SLC13A3: variants seen among roughly 807,000 people sequenced by gnomAD.
The protein encoded by SLC13A3 is solute carrier family 13 member 3.
A neutral mutation model predicts 59.0 loss-of-function variants in SLC13A3; 40 were observed. The ratio of observed to expected loss-of-function variants is 0.68; its 90% CI spans 0.53 to 0.88. The LOEUF (loss-of-function observed/expected upper bound fraction) is 0.88. SLC13A3 is among the 40% of genes least tolerant of loss of function. SLC13A3 has a pLI of 0.00. For missense variants in SLC13A3, 699 were observed against 783.2 expected, an observed-to-expected ratio of 0.89 and a Z score of 1.28; for synonymous variants, 317 against 330.3, an observed-to-expected ratio of 0.96 and a Z score of 0.44.
chr20:46,608,682 T>C (rs1175434535), intron 3 of SLC13A3: 2 of 568,058 alleles, frequency 3.5e-6, no homozygotes, highest in Non-Finnish European at 5.7e-6. Flanking sequence ...GTCAGTGAGA[T>C]TAACTTAGAT....
intron 2 of SLC13A3, among the ~76,000 whole-genome samples, chr20:46,610,952 T>C (rs968650619): frequency 6.6e-6 from 1 of 151,406 alleles, no homozygotes; most frequent in Non-Finnish European, 1.5e-5. Flanking sequence ...CTTCTCAGCT[T>C]CCTCCCTCTT....
At chr20:46,568,243 C>A (rs866045352) in intron 10 of SLC13A3, among the ~76,000 whole-genome samples, 72 of 150,630 alleles carry the variant, frequency 4.8e-4, no homozygotes, top group African/African-American at 1.6e-3. Flanking sequence ...AAAAAAAATA[C>A]AAAAATTAGC....
chr20:46,648,202 A>C (rs1207606406), intron 1 of SLC13A3, among the ~76,000 whole-genome samples: 4 of 151,818 alleles, frequency 2.6e-5, no homozygotes, highest in African/African-American at 9.7e-5. Flanking sequence ...CCCGTTTTGC[A>C]CCGAGAATAC....
Position 46,589,725 on chromosome 20 carries a change from C to T in SLC13A3, c.921-470G>A, listed in dbSNP as rs750542076. Among the ~76,000 whole-genome samples, 94 of 152,206 alleles carry T rather than the reference C, an allele frequency of 6.2e-4. 1 individual carries two copies. Among genetic ancestry groups the T allele is most frequent in the South Asian group, 3.5e-3 (17 of 4,814 alleles). ...CTATGGCCAGTTGATTTTTGACAGGCGTACCAAGACTGAATAGTGGGGGAA... is the reference window on the plus strand; with the variant it reads ...CTATGGCCAGTTGATTTTTGACAGGTGTACCAAGACTGAATAGTGGGGGAA... On this transcript the variant is annotated intron_variant, in intron 6 of 12. Coordinates refer to ENST00000279027, the MANE Select transcript of SLC13A3 (RefSeq NM_022829.6).
upstream of SLC13A3, among the ~76,000 whole-genome samples, chr20:46,672,459 C>A (rs2122933920): frequency 6.6e-6 from 1 of 152,310 alleles, no homozygotes; most frequent in African/African-American, 2.4e-5. Context: ...CACTGGGGAT[C>A]TGACATGAAA....
intron 1 of SLC13A3, among the ~76,000 whole-genome samples, chr20:46,628,160 A>G (rs1262327577): frequency 6.6e-6 from 1 of 152,168 alleles, no homozygotes; most frequent in African/African-American, 2.4e-5. Context: ...GGTAGGAAGG[A>G]GTGTGGGGCC....
chr20:46,634,495 G>A (rs1174148808), intron 1 of SLC13A3, among the ~76,000 whole-genome samples: 1 of 152,172 alleles, frequency 6.6e-6, no homozygotes, highest in Non-Finnish European at 1.5e-5. Context: ...AGAAAGGGCA[G>A]CAAACCTGCC....
At chr20:46,666,769 G>A (rs551333189) in intron 1 of SLC13A3, among the ~76,000 whole-genome samples, 5 of 152,200 alleles carry the variant, frequency 3.3e-5, no homozygotes, top group South Asian at 2.1e-4. Context: ...CTCTCAAAGC[G>A]TTGGGATTAC....
chr20:46,608,850 C>A, intron 3 of SLC13A3: 1 of 1,537,418 alleles, frequency 6.5e-7, no homozygotes, highest in South Asian at 1.2e-5. Context: ...GATCTGCCAT[C>A]TATCTCTCAA....
chr20:46,606,200 A>G (rs1424830369), intron 3 of SLC13A3, among the ~76,000 whole-genome samples: 1 of 152,180 alleles, frequency 6.6e-6, no homozygotes, highest in East Asian at 1.9e-4. Context: ...ATCCCGCTCA[A>G]GTAGGAGGGG....
At chr20:46,586,001 T>C (rs1397696119) in intron 8 of SLC13A3, among the ~76,000 whole-genome samples, 1 of 152,198 alleles carries the variant, frequency 6.6e-6, no homozygotes, top group Non-Finnish European at 1.5e-5. Context: ...CAAACTGACA[T>C]GTGCTTTAAA....
intron 1 of SLC13A3, among the ~76,000 whole-genome samples, chr20:46,621,735 T>A (rs1165901757): frequency 6.6e-6 from 1 of 152,190 alleles, no homozygotes; most frequent in African/African-American, 2.4e-5. Context: ...TCCCGGCACA[T>A]CACATCCAAT....
chr20:46,633,869 G>A (rs2062769391), intron 1 of SLC13A3, among the ~76,000 whole-genome samples: 1 of 152,238 alleles, frequency 6.6e-6, no homozygotes, highest in South Asian at 2.1e-4. Context: ...GCTTTTTGGG[G>A]TGCATTAGCT....
chr20:46,617,310 T>A (rs2062565934), intron 1 of SLC13A3, among the ~76,000 whole-genome samples: 1 of 152,198 alleles, frequency 6.6e-6, no homozygotes, highest in Non-Finnish European at 1.5e-5. Flanking sequence ...TAGCCTAAAT[T>A]TTTAACAAGT....
At chr20:46,560,243 C>T in intron 12 of SLC13A3, 45 bp from the exon 13 acceptor site, 1 of 1,554,928 alleles carries the variant, frequency 6.4e-7, no homozygotes, top group Non-Finnish European at 8.9e-7. Flanking sequence ...ACCTGACCCA[C>T]CATACAGATG....
At position 46,600,403 on chromosome 20, in the gene SLC13A3, A is replaced by AGG. The variant is rs1568930113; in HGVS notation, c.542-367_542-366insCC. 1.0e-3 allele frequency among the ~76,000 whole-genome samples: 148 copies of AGG among 142,504 alleles called. 1 individual carries two copies. Among genetic ancestry groups the AGG allele is most frequent in the Non-Finnish European group, 5.8e-4 (37 of 63,796 alleles). 93.5% of individuals were successfully genotyped at this position (142,504 alleles called of 152,430 possible). On this transcript the variant is annotated intron_variant, in intron 3 of 12. Transcript: ENST00000279027. ...AGGAAAGGGAGGGAAAGAAAGAAAGAAAGGAGGAAGGAAGGAAGGAAAGGA... is the reference window on the plus strand; with the variant it reads ...AGGAAAGGGAGGGAAAGAAAGAAAGAGGAAGGAGGAAGGAAGGAAGGAAAGGA...
At chr20:46,578,844 G>A (rs113520839) in intron 9 of SLC13A3, among the ~76,000 whole-genome samples, 6 of 152,084 alleles carry the variant, frequency 3.9e-5, no homozygotes, top group African/African-American at 1.2e-4. Context: ...GATGGAGTGA[G>A]TCACGAAGAT....
At chr20:46,613,376 A>C in intron 2 of SLC13A3, 84 bp downstream of exon 2, 1 of 1,239,816 alleles carries the variant, frequency 8.1e-7, no homozygotes, top group South Asian at 3.2e-5. Context: ...CTGGACGAGT[A>C]AATCAAGAAG....
intron 8 of SLC13A3, among the ~76,000 whole-genome samples, chr20:46,587,012 G>C (rs1299195734): frequency 6.6e-6 from 1 of 152,162 alleles, no homozygotes; most frequent in Non-Finnish European, 1.5e-5. Flanking sequence ...ACAAGACGTT[G>C]TCTTTTGATT....
Sources: allele counts gnomAD v4.1 joint callset (sites outside exome capture counted in the v4.1 genomes callset), GRCh38; gene constraint gnomAD v4.1.1; transcripts MANE v1.5; gene names NCBI Gene and HGNC (gene_info 2026-07-23, HGNC 2026-07-21).